CCDC195: variants seen among roughly 807,000 people sequenced by gnomAD.
CCDC195 encodes the protein coiled-coil domain-containing protein 195.
At chr2:224,708,627 C>T (rs1204941603) in intron 2 of CCDC195, among the ~76,000 whole-genome samples, 1 of 152,138 alleles carries the variant, frequency 6.6e-6, no homozygotes, top group Non-Finnish European at 1.5e-5. Flanking sequence ...CCTTTGTATC[C>T]CACATCCTGT....
intron 2 of CCDC195, among the ~76,000 whole-genome samples, chr2:224,704,610 C>CTTTTTTTTTTTTTTCTTT (rs1697215969): frequency 9.0e-6 from 1 of 110,644 alleles, no homozygotes; most frequent in African/African-American, 3.5e-5. Context: ...CTTTTCTTTT[C>CTTTTTTTTTTTTTTCTTT]TTTTTTTTTT....
rs1287363876 is a variant in CCDC195, at chr2:224,709,904, C to G, written c.482+69G>C. The G allele has an allele frequency of 1.3e-5, 5 of 398,114 alleles. No individual in the cohort carries two copies. The East Asian group carries it at 1.4e-4, about 11-fold the overall frequency. The allele number at this position is 398,114 out of a possible 1,614,324, so 24.7% of individuals were successfully genotyped here. On this transcript the variant is annotated intron_variant, in intron 2 of 2. Coordinates refer to ENST00000638102, the Ensembl canonical transcript of CCDC195. ...CTCCACTAGATAAGACTTCATTTAT[C>G]CAGGGGAAAGTCTCAGTAACCATCT...
rs989005075 is a variant in CCDC195, at chr2:224,710,150, C to T, written c.305G>A (p.Trp102Ter). ...CTTTGGGTGACTTTTCCCAGATTTC[C>T]AGGGATCATTTACAGCAGATGAGCA... The change falls in exon 2 of 3, where the codon TGG becomes TAG. Residue 102 changes from tryptophan to a stop codon, truncating the protein, a stop_gained. Coordinates refer to ENST00000638102, the Ensembl canonical transcript of CCDC195. LOFTEE classifies it high-confidence loss of function. The T allele has an allele frequency of 7.5e-6, 3 of 398,440 alleles. No homozygotes were observed. Among genetic ancestry groups the T allele is most frequent in the African/African-American group, 6.2e-5 (3 of 48,612 alleles). 24.7% of individuals were successfully genotyped at this position (398,440 alleles called of 1,614,324 possible). A position where few individuals can be genotyped will look rare whatever the true frequency, so the allele number is the denominator to read the frequency against.
rs147690815 is a variant in CCDC195 at position 224,710,371 on chromosome 2, G to A, written c.236-152C>T. On this transcript the variant is annotated intron_variant, in intron 1 of 2. Transcript: ENST00000638102. Reference sequence around the variant, plus strand: ...AAAAGATATCCATTTGGCCTGGCGCGGTGGCTCACACCTGTAATCCCAGCA... The same window carrying A: ...AAAAGATATCCATTTGGCCTGGCGCAGTGGCTCACACCTGTAATCCCAGCA... Among the ~76,000 whole-genome samples the A allele has an allele frequency of 6.2e-4, 95 of 152,302 alleles. 1 individual carries two copies. The highest frequency in any genetic ancestry group is 2.2e-3 in the African/African-American group (90 of 41,564).
chr2:224,708,130 C>T (rs1278156303), intron 2 of CCDC195, among the ~76,000 whole-genome samples: 2 of 152,000 alleles, frequency 1.3e-5, no homozygotes, highest in African/African-American at 4.8e-5. Context: ...GCTGGAATTA[C>T]AGGCTTGAGC....
rs114810489 is a variant in CCDC195 at position 224,707,459 on chromosome 2, C to T, written c.482+2514G>A. On this transcript the variant is annotated intron_variant, in intron 2 of 2. Transcript: ENST00000638102. ...AATGCCTAGAGAGTTCTCTCTTTAGCCTTGATCAGGACTCACTCTCTCTCT... is the reference window on the plus strand; with the variant it reads ...AATGCCTAGAGAGTTCTCTCTTTAGTCTTGATCAGGACTCACTCTCTCTCT... Among the ~76,000 whole-genome samples, 1,346 of 152,268 alleles carry T rather than the reference C, an allele frequency of 8.8e-3. 9 individuals are homozygous for T. Among genetic ancestry groups the T allele is most frequent in the Non-Finnish European group, 0.015 (1,031 of 68,026 alleles).
intron 1 of CCDC195, among the ~76,000 whole-genome samples, chr2:224,715,773 G>A (rs1354507027): frequency 3.3e-5 from 5 of 152,178 alleles, no homozygotes; most frequent in African/African-American, 1.2e-4. Flanking sequence ...AGCCTTATAA[G>A]TGTGCGTGCC....
chr2:224,716,252 T>G (rs1689381486), exon 1 of CCDC195: 1 of 398,570 alleles, frequency 2.5e-6, no homozygotes, highest in South Asian at 1.3e-4. Context: ...AGCCTGAGGC[T>G]CTCTGACTAC....
chr2:224,704,928 G>A (rs868165760), intron 2 of CCDC195, among the ~76,000 whole-genome samples: 1 of 152,150 alleles, frequency 6.6e-6, no homozygotes, highest in African/African-American at 2.4e-5. Context: ...AGCCAGGCCA[G>A]CTGCACCCTC....
chr2:224,710,664 T>C (rs1422429226), intron 1 of CCDC195, among the ~76,000 whole-genome samples: 2 of 152,138 alleles, frequency 1.3e-5, no homozygotes, highest in Non-Finnish European at 2.9e-5. Context: ...CAAAAAGCAT[T>C]CATTGATTTA....
exon 1 of CCDC195, chr2:224,716,265 G>T: frequency 2.5e-6 from 1 of 398,638 alleles, no homozygotes; most frequent in Non-Finnish European, 4.4e-6. Context: ...CTGACTACTT[G>T]CAGTGAGTTT....
intron 2 of CCDC195, among the ~76,000 whole-genome samples, chr2:224,706,542 C>T (rs1375383336): frequency 2.6e-4 from 33 of 124,854 alleles, no homozygotes; most frequent in East Asian, 4.9e-4. Flanking sequence ...GACAGAGTCT[C>T]GCTGTGTTGC....
intron 2 of CCDC195, among the ~76,000 whole-genome samples, chr2:224,707,740 C>A (rs748272000): frequency 1.4e-4 from 22 of 152,322 alleles, no homozygotes; most frequent in Non-Finnish European, 2.9e-4. Flanking sequence ...ACATGCAGCA[C>A]ACCCTCAGGA....
chr2:224,708,107 A>G (rs1689250346), intron 2 of CCDC195, among the ~76,000 whole-genome samples: 1 of 151,308 alleles, frequency 6.6e-6, no homozygotes, highest in Non-Finnish European at 1.5e-5. Context: ...TGCCCACCTC[A>G]GCCTCCAAAA....
chr2:224,704,610 C>CTTTTTTTTTTTTTTT (rs55801561), intron 2 of CCDC195, among the ~76,000 whole-genome samples: 7 of 110,644 alleles, frequency 6.3e-5, no homozygotes, highest in Non-Finnish European at 8.7e-5. Context: ...CTTTTCTTTT[C>CTTTTTTTTTTTTTTT]TTTTTTTTTT....
intron 2 of CCDC195, among the ~76,000 whole-genome samples, chr2:224,707,007 A>G (rs924602211): frequency 6.6e-6 from 1 of 151,722 alleles, no homozygotes; most frequent in African/African-American, 2.4e-5. Flanking sequence ...CCAATGATTG[A>G]GTATTCATTT....
intron 1 of CCDC195, among the ~76,000 whole-genome samples, chr2:224,712,659 G>T (rs894264984): frequency 6.6e-6 from 1 of 152,032 alleles, no homozygotes; most frequent in African/African-American, 2.4e-5. Flanking sequence ...TCCACTTCCA[G>T]GTCCTCTTTA....
At chr2:224,704,590 TTTTTTTTTTCTTTTCTTTTC>T (rs1278063305) in intron 2 of CCDC195, among the ~76,000 whole-genome samples, 11 of 36,304 alleles carry the variant, frequency 3.0e-4, no homozygotes, top group African/African-American at 2.9e-3. Context: ...CAGCTGCACC[TTTTTTTTTTCTTTTCTTTTC>T]TTTTTTTTTT....
intron 2 of CCDC195, among the ~76,000 whole-genome samples, chr2:224,707,887 T>C (rs1320055895): frequency 6.6e-6 from 1 of 152,080 alleles, no homozygotes; most frequent in Non-Finnish European, 1.5e-5. Flanking sequence ...GGTAACTTTC[T>C]TTCTTTCTCT....
Sources: gnomAD v4.1 joint callset for allele counts (sites outside exome capture counted in the v4.1 genomes callset) on GRCh38, gnomAD v4.1.1 for gene constraint, MANE v1.5 for transcripts, NCBI Gene and HGNC (gene_info 2026-07-23, HGNC 2026-07-21) for gene names.